The following LPAR1 variants were observed in gnomAD, a reference collection of about 807,000 sequenced individuals.
LPAR1 encodes LPA receptor 1.
A neutral mutation model predicts 23.8 loss-of-function variants in LPAR1; 5 were observed. The ratio of observed to expected loss-of-function variants is 0.21; its 90% CI spans 0.11 to 0.44. LPAR1 has a LOEUF of 0.44. LPAR1 is among the 20% of genes least tolerant of loss of function. The pLI is 0.99. For synonymous variants in LPAR1, 160 were observed against 164.7 expected, an observed-to-expected ratio of 0.97 and a Z score of 0.22; for missense variants, 311 against 482.8, an observed-to-expected ratio of 0.64 and a Z score of 3.33.
chr9:110,879,417 C>CAAAAAAAAAAAAAAA (rs71371692), intron 5 of LPAR1, among the ~76,000 whole-genome samples: 1 of 47,172 alleles, frequency 2.1e-5, no homozygotes, highest in Non-Finnish European at 3.5e-5. Flanking sequence ...GACTCCATCT[C>CAAAAAAAAAAAAAAA]AAAAAAAAAA....
In LPAR1 at chr9:110,973,080, C is replaced by T. The variant is rs371236357; in HGVS notation, c.-104+401G>A. Among the ~76,000 whole-genome samples the T allele has an allele frequency of 2.6e-5, 4 of 152,318 alleles. No individual in the cohort carries two copies. In the East Asian group the frequency reaches 5.8e-4, roughly 22 times the overall value. The stretch of plus-strand genomic sequence containing the variant: ...AATCGCAGGACAAAGGGACAAATCA[C>T]ATGGACAGTATGAGATTTCACCCAC... On this transcript the variant is annotated intron_variant, in intron 3 of 5. Transcript: ENST00000683809.
intron 4 of LPAR1, among the ~76,000 whole-genome samples, chr9:110,949,157 G>A (rs6477799): frequency 0.3 from 46,031 of 151,740 alleles, 7,494 homozygotes; most frequent in East Asian, 0.67. Context: ...CCCACTCACC[G>A]CCTAACACTA....
intron 2 of LPAR1, among the ~76,000 whole-genome samples, chr9:110,983,136 T>C (rs1238134678): frequency 6.6e-6 from 1 of 152,110 alleles, no homozygotes; most frequent in Non-Finnish European, 1.5e-5. Flanking sequence ...GATTACCATA[T>C]GATTTAGCAA....
intron 4 of LPAR1, among the ~76,000 whole-genome samples, chr9:110,969,690 C>A (rs1330873243): frequency 1.3e-5 from 2 of 148,606 alleles, no homozygotes; most frequent in Non-Finnish European, 3.0e-5. Flanking sequence ...CCAGCCTGGG[C>A]AATAGAATGA....
intron 5 of LPAR1, among the ~76,000 whole-genome samples, chr9:110,876,106 T>C (rs1588088638): frequency 6.6e-6 from 1 of 152,322 alleles, no homozygotes; most frequent in Non-Finnish European, 1.5e-5. Flanking sequence ...GAATGATAAG[T>C]GTCCTTTAAT....
chr9:110,919,371 T>C (rs1165744003), intron 5 of LPAR1, among the ~76,000 whole-genome samples: 3 of 152,092 alleles, frequency 2.0e-5, no homozygotes, highest in Non-Finnish European at 4.4e-5. Context: ...TAGTCGAGCC[T>C]CCACATGAGA....
chr9:111,038,464 C>T lies in LPAR1; in HGVS notation c.-559G>A, dbSNP rs2097942780. On this transcript the variant is annotated 5_prime_UTR_variant, in exon 1 of 6. Coordinates refer to ENST00000683809, the MANE Select transcript of LPAR1 (RefSeq NM_001351411.2). This position sits in a 1 kb window ranked among gnomAD's most constrained non-coding sequence, Gnocchi z 4.4. ...CAGGGAGCGTCAGCCGCCAGTCGGC[C>T]CCTACTGCCCGGCTTTGGCGCGCTG... 1 of 345,572 alleles carries T rather than the reference C, an allele frequency of 2.9e-6. No individual in the cohort carries two copies. Among genetic ancestry groups the T allele is most frequent in the Non-Finnish European group, 5.7e-6 (1 of 175,040 alleles). 21.4% of individuals were successfully genotyped at this position (345,572 alleles called of 1,614,324 possible).
At chr9:110,930,911 G>A (rs965268020) in intron 5 of LPAR1, among the ~76,000 whole-genome samples, 26 of 151,904 alleles carry the variant, frequency 1.7e-4, no homozygotes, top group Admixed American at 7.2e-4. Flanking sequence ...GCGAAATTCC[G>A]TCACAAAAAC....
At chr9:110,947,813 A>G (rs1451713323) in intron 4 of LPAR1, among the ~76,000 whole-genome samples, 1 of 152,248 alleles carries the variant, frequency 6.6e-6, no homozygotes, top group African/African-American at 2.4e-5. Flanking sequence ...CATGCTAGTA[A>G]TTACACCAAT....
At chr9:110,981,158 A>C (rs138687001) in intron 2 of LPAR1, among the ~76,000 whole-genome samples, 5 of 152,218 alleles carry the variant, frequency 3.3e-5, no homozygotes, top group Admixed American at 3.3e-4. Flanking sequence ...CAATCCCCTG[A>C]TTTTCTTATA....
intron 5 of LPAR1, among the ~76,000 whole-genome samples, chr9:110,890,143 T>C (rs536953343): frequency 6.6e-6 from 1 of 152,178 alleles, no homozygotes; most frequent in East Asian, 1.9e-4. Flanking sequence ...TTCACACAAC[T>C]AGAAGAAGTT....
rs200478953 is a variant in LPAR1 at position 110,972,946 on chromosome 9, C to CA, written c.-104+534dup. 5.6e-3 allele frequency among the ~76,000 whole-genome samples: 847 copies of CA among 150,828 alleles called. 8 individuals carry two copies. Among genetic ancestry groups the CA allele is most frequent in the African/African-American group, 0.019 (780 of 41,042 alleles). On this transcript the variant is annotated intron_variant, in intron 3 of 5. Transcript: ENST00000683809. ...TGGGCGACACAGAGAGACTCCTTCTCAAAAAAAAGAAAAAGAAAAAGAAAA... is the reference window on the plus strand; with the variant it reads ...TGGGCGACACAGAGAGACTCCTTCTCAAAAAAAAAGAAAAAGAAAAAGAAAA...
intron 2 of LPAR1, among the ~76,000 whole-genome samples, chr9:111,005,545 TCAAAAAAAAAAAAA>T (rs2097200921): frequency 4.0e-5 from 1 of 24,762 alleles, no homozygotes; most frequent in African/African-American, 3.2e-4. Context: ...AGACCCTGTC[TCAAAAAAAAAAAAA>T]AAAAAAAAAA....
At chr9:110,931,451 CA>C (rs1442048961) in intron 5 of LPAR1, among the ~76,000 whole-genome samples, 4 of 152,118 alleles carry the variant, frequency 2.6e-5, no homozygotes, top group Non-Finnish European at 5.9e-5. Context: ...TGTTTGCTGA[CA>C]AAATAAACTA....
chr9:110,946,457 C>T (rs541331284), intron 4 of LPAR1, among the ~76,000 whole-genome samples: 5 of 151,946 alleles, frequency 3.3e-5, no homozygotes, highest in Non-Finnish European at 7.4e-5. Flanking sequence ...AAAAAAATAA[C>T]AAGTCAAATA....
At chr9:111,036,434 G>A (rs1474577879) in intron 1 of LPAR1, among the ~76,000 whole-genome samples, 1 of 150,414 alleles carries the variant, frequency 6.6e-6, no homozygotes, top group Non-Finnish European at 1.5e-5. Flanking sequence ...TCTCCTCCAA[G>A]CATCCTCTGT....
intron 2 of LPAR1, among the ~76,000 whole-genome samples, chr9:111,028,336 G>C (rs1393914041): frequency 6.6e-6 from 1 of 152,016 alleles, no homozygotes; most frequent in Non-Finnish European, 1.5e-5. Flanking sequence ...GCCCACCTTG[G>C]CCTCCCAAAG....
At chr9:110,952,363 G>T (rs2136715333) in intron 4 of LPAR1, among the ~76,000 whole-genome samples, 1 of 152,242 alleles carries the variant, frequency 6.6e-6, no homozygotes, top group East Asian at 1.9e-4. Context: ...CGTTACTCCA[G>T]AGACAGAGCT....
At chr9:110,898,687 A>T (rs2087418442) in intron 5 of LPAR1, among the ~76,000 whole-genome samples, 1 of 152,184 alleles carries the variant, frequency 6.6e-6, no homozygotes, top group Admixed American at 6.5e-5. Context: ...ACTAGCACCA[A>T]CTTCTCTAGG....
Sources: gnomAD v4.1 joint callset for allele counts (sites outside exome capture counted in the v4.1 genomes callset) on GRCh38, gnomAD v4.1.1 for gene constraint, Gnocchi (gnomAD v3.1) non-coding constraint, MANE v1.5 for transcripts, NCBI Gene and HGNC (gene_info 2026-07-23, HGNC 2026-07-21) for gene names.